Variants in ERCC2 observed in about 807,000 individuals in gnomAD.
ERCC2 encodes ERCC excision repair 2, TFIIH core complex helicase subunit, also known as general transcription and DNA repair factor IIH helicase subunit XPD.
In ERCC2, 90 loss-of-function variants were observed where a neutral mutation model predicts 99.4. That is an observed-to-expected ratio of 0.91 (90% CI 0.76 to 1.08). The LOEUF is 1.08. Among genes scored for constraint, ERCC2 ranks in the 50% least tolerant of loss-of-function variants. The pLI is 0.00. For synonymous variants in ERCC2, 497 were observed against 432.4 expected, an observed-to-expected ratio of 1.15 and a Z score of -1.85; for missense variants, 993 against 1,038.1, an observed-to-expected ratio of 0.96 and a Z score of 0.60.
intron 12 of ERCC2, 141 bp from the exon 13 acceptor site, chr19:45,357,840 C>T: frequency 1.3e-6 from 1 of 767,022 alleles, no homozygotes; most frequent in Non-Finnish European, 2.2e-6. Flanking sequence ...CCAAACATGA[C>T]TGCTTAAGCC....
rs1971879469 is a variant in ERCC2, at chr19:45,353,111, C to T, written c.1803G>A (p.Arg601=). 3.7e-6 allele frequency: 6 copies of T among 1,613,438 alleles called. No individual in the cohort carries two copies. Among genetic ancestry groups the T allele is most frequent in the Non-Finnish European group, 5.1e-6 (6 of 1,179,846 alleles). The change falls in exon 19 of 23, where the codon CGG becomes CGA. Residue 601 remains arginine, a synonymous_variant. Transcript: ENST00000391945. ...GRGAILLSVA[R]GKVSEGIDFV... ...AGTCGATTCCCTCGGACACTTTGCC[C>T]CGGGCCACTGACAGCAGGATGGCCC...
At chr19:45,351,924 A>T (rs1301934304) in intron 22 of ERCC2, among the ~76,000 whole-genome samples, 1 of 152,212 alleles carries the variant, frequency 6.6e-6, no homozygotes, top group African/African-American at 2.4e-5. Flanking sequence ...GAGTCGGAGA[A>T]GGACCGGCTT....
intron 12 of ERCC2, 56 bp from the exon 13 acceptor site, chr19:45,357,755 CCACT>C (rs1195191214): frequency 2.7e-6 from 4 of 1,491,904 alleles, no homozygotes; most frequent in African/African-American, 1.4e-5. Flanking sequence ...ACAGCTGCAC[CCACT>C]CAGTCATTCC....
At chr19:45,364,784 G>A (rs942709692) in intron 7 of ERCC2, 54 bp downstream of exon 7, 69 of 1,413,798 alleles carry the variant, frequency 4.9e-5, no homozygotes, top group Admixed American at 8.4e-5. Context: ...GGAGACGGGC[G>A]GGCAGCCCAC....
chr19:45,356,715 C>A (rs994187973), intron 15 of ERCC2, among the ~76,000 whole-genome samples: 9 of 152,158 alleles, frequency 5.9e-5, no homozygotes, highest in Non-Finnish European at 8.8e-5. Flanking sequence ...GCTGAAGCAT[C>A]AGAATCACCT....
intron 14 of ERCC2, 41 bp downstream of exon 14, chr19:45,357,433 G>C (rs747687627): frequency 1.9e-5 from 30 of 1,610,226 alleles, no homozygotes; most frequent in Non-Finnish European, 2.5e-5. Context: ...GGCCCATGGA[G>C]GGAGGTCAGG....
Position 45,363,979 on chromosome 19 carries a change from G to C in ERCC2, c.949+7C>G. The C allele has an allele frequency of 6.5e-7, 1 of 1,539,416 alleles. No homozygotes were observed. Among genetic ancestry groups the C allele is most frequent in the Non-Finnish European group, 8.7e-7 (1 of 1,146,888 alleles). On this transcript the variant is annotated splice_region_variant and intron_variant, in intron 10 of 22. Transcript: ENST00000391945. ...GGACTGGGGGGCAGCGGGGGGTCGG[G>C]GCTCACCCTGCAGCACTTCGTCGGG...
chr19:45,349,852 T>C lies in ERCC2; in HGVS notation c.*1777A>G. On this transcript the variant is annotated 3_prime_UTR_variant, in exon 23 of 23. Transcript: ENST00000391945. ...CAGGCACAGGTGGCAGCAGCAGACA[T>C]TTATTGAGCTCACTGTGGCCGGCTC... 1.9e-6 allele frequency: 1 copy of C among 514,066 alleles called. No homozygotes were observed. The highest frequency in any genetic ancestry group is 3.4e-6 in the Non-Finnish European group (1 of 290,222). 31.8% of individuals were successfully genotyped at this position (514,066 alleles called of 1,614,324 possible).
chr19:45,349,868 T>G lies in ERCC2; in HGVS notation c.*1761A>C, dbSNP rs527859429. The G allele has an allele frequency of 2.5e-4, 126 of 494,312 alleles. No homozygotes were observed. Among genetic ancestry groups the G allele is most frequent in the Non-Finnish European group, 4.0e-4 (112 of 278,220 alleles). 30.6% of individuals were successfully genotyped at this position (494,312 alleles called of 1,614,324 possible). A position where few individuals can be genotyped will look rare whatever the true frequency, so the allele number is the denominator to read the frequency against. On this transcript the variant is annotated 3_prime_UTR_variant, in exon 23 of 23. Coordinates refer to ENST00000391945, the MANE Select transcript of ERCC2 (RefSeq NM_000400.4). Reference sequence around the variant, plus strand: ...CAGCAGACATTTATTGAGCTCACTGTGGCCGGCTCCCCTCTTAGCCCGGTC... The same window carrying G: ...CAGCAGACATTTATTGAGCTCACTGGGGCCGGCTCCCCTCTTAGCCCGGTC...
Position 45,351,464 on chromosome 19 carries a change from GTACCT to G in ERCC2, c.*160_*164del. 1 of 1,583,784 alleles carries G rather than the reference GTACCT, an allele frequency of 6.3e-7. No individual in the cohort carries two copies. The highest frequency in any genetic ancestry group is 2.2e-5 in the East Asian group (1 of 44,654). ...TCTCCTGGCCCCCCCTTGCCTCTGG[GTACCT>G]GGTGGATAGCTGCCTTCTCCTGCGA... On this transcript the variant is annotated 3_prime_UTR_variant, in exon 23 of 23. Transcript: ENST00000391945.
intron 2 of ERCC2, 100 bp downstream of exon 2, chr19:45,370,033 C>A: frequency 9.1e-7 from 1 of 1,101,156 alleles, no homozygotes; most frequent in Non-Finnish European, 1.4e-6. Context: ...TTCCCAGGGA[C>A]CTCGGACTTC....
At position 45,363,726 on chromosome 19, in the gene ERCC2, G is replaced by T; in HGVS notation, c.1118+17C>A. 6.6e-7 allele frequency: 1 copy of T among 1,526,438 alleles called. No individual in the cohort carries two copies. 94.6% of individuals were successfully genotyped at this position (1,526,438 alleles called of 1,614,324 possible). A position where few individuals can be genotyped will look rare whatever the true frequency, so the allele number is the denominator to read the frequency against. On this transcript the variant is annotated intron_variant, in intron 11 of 22. Coordinates refer to ENST00000391945, the MANE Select transcript of ERCC2 (RefSeq NM_000400.4). ...GACCTGCCGGGCCCCCACCCCGCGCGCTGTCTGGGGCCGCACCTGAGGGGC... is the reference window on the plus strand; with the variant it reads ...GACCTGCCGGGCCCCCACCCCGCGCTCTGTCTGGGGCCGCACCTGAGGGGC...
At position 45,354,766 on chromosome 19, in the gene ERCC2, C is replaced by A. The variant is rs1568534086; in HGVS notation, c.1629G>T (p.Gln543His). The change falls in exon 17 of 23, where the codon CAG (glutamine) becomes CAT (histidine). Residue 543 changes from glutamine (Q) to histidine (H), a missense_variant. By Grantham distance (24) the Gln-to-His change is conservative (BLOSUM62 0). This residue lies in a region of ERCC2 where 909 missense variants were observed against 930.8 expected (regional missense o/e 0.98). Transcript: ENST00000391945. ...DGIVAFFTSY[Q>H]YMESTVASWY... ...AGGAGGCCACGGTGCTCTCCATGTACTGGTAGCTGGTGAAGAAGGCCACGA... is the reference window on the plus strand; with the variant it reads ...AGGAGGCCACGGTGCTCTCCATGTAATGGTAGCTGGTGAAGAAGGCCACGA... 5 of 1,614,128 alleles carry A rather than the reference C, an allele frequency of 3.1e-6. No homozygotes were observed. The highest frequency in any genetic ancestry group is 4.2e-6 in the Non-Finnish European group (5 of 1,179,982).
Position 45,350,659 on chromosome 19 carries a change from T to A in ERCC2, c.*970A>T. 1.9e-6 allele frequency: 3 copies of A among 1,613,518 alleles called. No individual in the cohort carries two copies. The highest frequency in any genetic ancestry group is 2.5e-6 in the Non-Finnish European group (3 of 1,179,816). On this transcript the variant is annotated 3_prime_UTR_variant, in exon 23 of 23. Coordinates refer to ENST00000391945, the MANE Select transcript of ERCC2 (RefSeq NM_000400.4). ...TCCCCAGGCCCTTCGCCGCAGCAGC[T>A]CACTCTCCAAGATCCGTGAGTCTAT...
At chr19:45,363,293 C>T (rs542908523) in intron 11 of ERCC2, among the ~76,000 whole-genome samples, 1 of 152,198 alleles carries the variant, frequency 6.6e-6, no homozygotes, top group South Asian at 2.1e-4. Flanking sequence ...CCGGGGACAC[C>T]TCCTCCAGCT....
intron 5 of ERCC2, among the ~76,000 whole-genome samples, chr19:45,366,531 A>C (rs1972430519): frequency 6.6e-6 from 1 of 152,236 alleles, no homozygotes; most frequent in African/African-American, 2.4e-5. Context: ...GCCAAAACGC[A>C]TGGAACCTTG....
In ERCC2 at chr19:45,353,251, C is replaced by T; in HGVS notation, c.1749G>A (p.Lys583=). Residue 583 remains lysine, a synonymous_variant, in exon 18 of 23, where the codon AAG becomes AAA. Coordinates refer to ENST00000391945, the MANE Select transcript of ERCC2 (RefSeq NM_000400.4). ...DGAETSVALE[K]YQEACENGRG... Reference sequence around the variant, plus strand: ...GGCCTCGCACACCCACCTCCTGGTACTTCTCCAGGGCGACACTGGTTTCGG... The same window carrying T: ...GGCCTCGCACACCCACCTCCTGGTATTTCTCCAGGGCGACACTGGTTTCGG... 6.2e-7 allele frequency: 1 copy of T among 1,613,718 alleles called. No individual in the cohort carries two copies. The highest frequency in any genetic ancestry group is 8.5e-7 in the Non-Finnish European group (1 of 1,179,702).
chr19:45,370,515 G>T lies in ERCC2; in HGVS notation c.5+21C>A, dbSNP rs550462386. 9.6e-5 allele frequency: 148 copies of T among 1,536,184 alleles called. 3 individuals carry two copies. In the South Asian group the frequency reaches 1.6e-3, roughly 17 times the overall value. Reference sequence around the variant, plus strand: ...ACCCCCCGCGCCCGCTAGCGAGCGCGACCCCCAGCCCCCTTCTCACTTCAT... The same window carrying T: ...ACCCCCCGCGCCCGCTAGCGAGCGCTACCCCCAGCCCCCTTCTCACTTCAT... On this transcript the variant is annotated intron_variant, in intron 1 of 22. Transcript: ENST00000391945.
Position 45,365,036 on chromosome 19 carries a change from A to G in ERCC2, c.477+6T>C, listed in dbSNP as rs1972377285. 6.2e-7 allele frequency: 1 copy of G among 1,612,808 alleles called. No individual in the cohort carries two copies. Among genetic ancestry groups the G allele is most frequent in the African/African-American group, 1.3e-5 (1 of 74,922 alleles). ...CCTCCCTCCCTCAGCCCTGCCCTCC[A>G]GTAACCTCATAGAATCGGCAGTGGG... On this transcript the variant is annotated splice_donor_region_variant and intron_variant, in intron 6 of 22. Coordinates refer to ENST00000391945, the MANE Select transcript of ERCC2 (RefSeq NM_000400.4).
Sources: gnomAD v4.1 joint callset for allele counts (sites outside exome capture counted in the v4.1 genomes callset) on GRCh38, gnomAD v4.1.1 for gene constraint, gnomAD v4.1.1 regional missense constraint, MANE v1.5 for transcripts, NCBI Gene and HGNC (gene_info 2026-07-23, HGNC 2026-07-21) for gene names.